SP140: variants seen among roughly 807,000 people sequenced by gnomAD.
SP140 encodes SP140 nuclear body protein.
A neutral mutation model predicts 125.0 loss-of-function variants in SP140; 81 were observed. The observed-to-expected ratio is 0.65, with a 90% confidence interval of 0.54 to 0.78. The LOEUF (loss-of-function observed/expected upper bound fraction) is 0.78, where lower values mean the gene tolerates loss of function less well. Ranked by LOEUF, SP140 falls within the 30% of genes least tolerant of loss-of-function variation. The pLI is 0.00. For synonymous variants in SP140, 312 were observed against 354.0 expected, an observed-to-expected ratio of 0.88 and a Z score of 1.33; for missense variants, 858 against 1,037.0, an observed-to-expected ratio of 0.83 and a Z score of 2.37.
At chr2:230,212,233 G>C (rs2044568674) in intron 1 of SP140, 1 of 781,578 alleles carries the variant, frequency 1.3e-6, no homozygotes. Flanking sequence ...CTTTTCCTTT[G>C]TATTGCTCAG....
intron 3 of SP140, chr2:230,219,912 G>T (rs199745069): frequency 1.0e-6 from 1 of 985,338 alleles, no homozygotes; most frequent in South Asian, 4.7e-5. Context: ...CTTTCCAGGG[G>T]CTGGGACAGG....
At chr2:230,298,383 G>A (rs549528666) in intron 22 of SP140, among the ~76,000 whole-genome samples, 1 of 152,288 alleles carries the variant, frequency 6.6e-6, no homozygotes, top group South Asian at 2.1e-4. Flanking sequence ...TGCTCAAATA[G>A]TTTTATACAC....
At chr2:230,312,199 G>C (rs940125076) in intron 26 of SP140, among the ~76,000 whole-genome samples, 1 of 152,190 alleles carries the variant, frequency 6.6e-6, no homozygotes, top group Non-Finnish European at 1.5e-5. Context: ...GGATCATGCT[G>C]GTAAGAAACG....
chr2:230,292,612 G>A, intron 19 of SP140, 34 bp from the exon 20 acceptor site: 1 of 1,613,648 alleles, frequency 6.2e-7, no homozygotes. Context: ...TGGGAAAAAA[G>A]AGGGCTCAGG....
At chr2:230,213,974 T>C (rs2044796775) in exon 3 of SP140, 1 of 152,260 alleles carries the variant, frequency 6.6e-6, no homozygotes, top group Non-Finnish European at 1.5e-5. Context: ...AGCCTTTTGA[T>C]GGTGAAGTGT....
At chr2:230,294,441 A>T in intron 21 of SP140, 123 bp downstream of exon 21, 1 of 669,942 alleles carries the variant, frequency 1.5e-6, no homozygotes, top group Non-Finnish European at 2.6e-6. Context: ...TTCACTACTC[A>T]CCTTAAAATA....
At position 230,276,452 on chromosome 2, in the gene SP140, T is replaced by C. The variant is rs144212816; in HGVS notation, c.1498+5813T>C. On this transcript the variant is annotated intron_variant, in intron 15 of 26. Coordinates refer to ENST00000392045, the MANE Select transcript of SP140 (RefSeq NM_007237.5). ...TTTACTGAGTATTTTAAACCCACTG[T>C]TGAGACATACTCCTCAGAAAAAAAG... is the stretch of plus-strand genomic sequence containing the variant. 2.6e-5 allele frequency among the ~76,000 whole-genome samples: 4 copies of C among 152,316 alleles called. No homozygotes were observed. The East Asian group carries it at 7.7e-4, about 29-fold the overall frequency.
At chr2:230,287,296 G>A (rs2056507655) in intron 17 of SP140, among the ~76,000 whole-genome samples, 1 of 152,126 alleles carries the variant, frequency 6.6e-6, no homozygotes, top group South Asian at 2.1e-4. Context: ...TTCAGCACGA[G>A]GGTACAAATA....
chr2:230,257,194 T>C (rs2149266862), intron 12 of SP140, among the ~76,000 whole-genome samples: 1 of 152,110 alleles, frequency 6.6e-6, no homozygotes, highest in East Asian at 1.9e-4. Context: ...GGAAAGAGAC[T>C]TTTATCTAAC....
intron 22 of SP140, among the ~76,000 whole-genome samples, chr2:230,300,094 C>T (rs957884091): frequency 6.6e-6 from 1 of 152,096 alleles, no homozygotes; most frequent in Non-Finnish European, 1.5e-5. Context: ...CTGAGAAAAC[C>T]GAATACTTAT....
the SP140 span, among the ~76,000 whole-genome samples, chr2:230,195,800 A>G: frequency 6.6e-6 from 1 of 152,194 alleles, no homozygotes; most frequent in East Asian, 1.9e-4. Context: ...GGACTGAAAA[A>G]AACTGTTCAC....
At chr2:230,195,080 C>T in the SP140 span, among the ~76,000 whole-genome samples, 2,203 of 151,678 alleles carry the variant, frequency 0.015, 42 homozygotes, top group Middle Eastern at 0.024. Flanking sequence ...TCTTTTTGAA[C>T]TTGGCCATAT....
intron 1 of SP140, among the ~76,000 whole-genome samples, chr2:230,228,413 A>G (rs529064730): frequency 1.4e-4 from 22 of 152,346 alleles, no homozygotes; most frequent in Admixed American, 9.1e-4. Flanking sequence ...GCTGATTGCT[A>G]TTGCTCATCA....
At chr2:230,249,536 A>C (rs1157476473) in intron 9 of SP140, among the ~76,000 whole-genome samples, 1 of 152,190 alleles carries the variant, frequency 6.6e-6, no homozygotes, top group Admixed American at 6.5e-5. Flanking sequence ...ACATTTTACC[A>C]GCATCTAGGA....
At position 230,225,852 on chromosome 2, in the gene SP140, A is replaced by C. The variant is rs779132307; in HGVS notation, c.8A>C (p.Gln3Pro). 1.2e-6 allele frequency: 2 copies of C among 1,613,588 alleles called. No individual in the cohort carries two copies. Among genetic ancestry groups the C allele is most frequent in the Non-Finnish European group, 8.5e-7 (1 of 1,179,486 alleles). The change falls in exon 1 of 27, where the codon CAG becomes CCG. Residue 3 changes from glutamine to proline, a missense_variant. Gln to Pro is a moderately conservative substitution (Grantham distance 76). Around this residue, in one of 4 missense-constraint regions of SP140, gnomAD observed 791 missense variants for 869.5 expected, o/e 0.91. Coordinates refer to ENST00000392045, the MANE Select transcript of SP140 (RefSeq NM_007237.5). MA[Q>P]QGQQGQMASG... ...TGATCCTAGGCCAAGCTCATGGCCC[A>C]GCAGGGCCAGCAGGGGCAGATGGCA...
In SP140 at chr2:230,216,913, T is replaced by C. The variant is rs199906944; in HGVS notation, c.-91+2839T>C. 5 of 1,613,712 alleles carry C rather than the reference T, an allele frequency of 3.1e-6. No individual in the cohort carries two copies. The East Asian group carries it at 8.9e-5, about 29-fold the overall frequency. ...GAAAAAGAGCCTCTTCCATGGCTCT[T>C]GTCATGGTGAACATCCTATGGAAAG... On this transcript the variant is annotated intron_variant, in intron 3 of 4. Coordinates refer to the SP140 transcript ENST00000456542.
chr2:230,250,903 A>C, intron 9 of SP140, 78 bp from the exon 10 acceptor site: 8 of 1,522,896 alleles, frequency 5.3e-6, no homozygotes, highest in African/African-American at 1.4e-5. Flanking sequence ...AGCCCCACCT[A>C]GGAGATACTT....
In SP140 at chr2:230,269,615, C is replaced by T. The variant is rs753650346; in HGVS notation, c.1324C>T (p.Pro442Ser). ...LASSLLYDNV[P>S]GAEQSAYENE... is the part of the protein sequence containing the mutation. The stretch of plus-strand genomic sequence containing the variant: ...TTCTAGCCTGCTATATGATAATGTA[C>T]CAGGTAATTATGACTTAAAAATAGT... The change falls in exon 13 of 27, where the codon CCA becomes TCA. Residue 442 changes from proline (P) to serine (S), a missense_variant. By Grantham distance (74) the Pro-to-Ser change is moderately conservative. This residue lies in a region of SP140 where 791 missense variants were observed against 869.5 expected (regional missense o/e 0.91). Coordinates refer to ENST00000392045, the MANE Select transcript of SP140 (RefSeq NM_007237.5). 6.6e-7 allele frequency: 1 copy of T among 1,521,170 alleles called. No homozygotes were observed. Among genetic ancestry groups the T allele is most frequent in the Non-Finnish European group, 8.9e-7 (1 of 1,117,962 alleles). The allele number at this position is 1,521,170 out of a possible 1,614,324, so 94.2% of individuals were successfully genotyped here.
intron 1 of SP140, among the ~76,000 whole-genome samples, chr2:230,232,813 G>T (rs1000516616): frequency 1.3e-5 from 2 of 152,102 alleles, no homozygotes; most frequent in Non-Finnish European, 2.9e-5. Flanking sequence ...TACTTGAGAA[G>T]CTAAGGACTG....
Sources: gnomAD v4.1 joint callset for allele counts (sites outside exome capture counted in the v4.1 genomes callset) on GRCh38, gnomAD v4.1.1 for gene constraint, gnomAD v4.1.1 regional missense constraint, MANE v1.5 for transcripts, NCBI Gene and HGNC (gene_info 2026-07-23, HGNC 2026-07-21) for gene names.